Variants in SPTBN1 observed in about 807,000 individuals in gnomAD.
SPTBN1 encodes spectrin beta chain, non-erythrocytic 1.
A neutral mutation model predicts 266.4 loss-of-function variants in SPTBN1; 32 were observed. The observed-to-expected ratio is 0.12, with a 90% confidence interval of 0.09 to 0.16. The LOEUF is 0.16. SPTBN1 is among the 10% of genes least tolerant of loss of function. SPTBN1 has a pLI of 1.00. For synonymous variants in SPTBN1, 1,336 were observed against 1,162.2 expected, an observed-to-expected ratio of 1.15 and a Z score of -3.04; for missense variants, 2,296 against 3,067.1, an observed-to-expected ratio of 0.75 and a Z score of 5.94.
In SPTBN1 at chr2:54,558,099, T is replaced by G. The variant is rs999423865; in HGVS notation, c.148+31533T>G. The G allele has an allele frequency of 6.1e-6, 6 of 985,278 alleles. No homozygotes were observed. The African/African-American group carries it at 7.0e-5, about 11-fold the overall frequency. 61.0% of individuals were successfully genotyped at this position (985,278 alleles called of 1,614,324 possible). ...AGTAATCGGAGACTTTTCCGTTACA[T>G]GAGGCTCAACAAAAGATTGTAATTC... On this transcript the variant is annotated intron_variant, in intron 2 of 35. Transcript: ENST00000356805. The surrounding 1 kb of genome is among the most constrained non-coding windows in gnomAD (Gnocchi z 4.6).
intron 2 of SPTBN1, among the ~76,000 whole-genome samples, chr2:54,548,457 G>A (rs939382862): frequency 1.3e-5 from 2 of 152,188 alleles, no homozygotes; most frequent in African/African-American, 2.4e-5. Context: ...ACTCAGGACA[G>A]GCCTTTTGGC....
At chr2:54,611,562 G>A (rs77059805) in intron 3 of SPTBN1, among the ~76,000 whole-genome samples, 5,911 of 152,140 alleles carry the variant, frequency 0.039, 148 homozygotes, top group Admixed American at 0.087. Context: ...TGGGTAGAGG[G>A]AAGAAACATT....
intron 2 of SPTBN1, chr2:54,528,494 G>A (rs1166004369): frequency 1.3e-5 from 2 of 152,438 alleles, no homozygotes; most frequent in Non-Finnish European, 2.9e-5. Context: ...CTTATACTGT[G>A]TGCCAGGCAC....
At chr2:54,587,447 C>G (rs1675366950) in intron 2 of SPTBN1, among the ~76,000 whole-genome samples, 1 of 152,136 alleles carries the variant, frequency 6.6e-6, no homozygotes, top group African/African-American at 2.4e-5. Context: ...AACGTTCTGC[C>G]ATTCTGTGTT....
chr2:54,661,309 A>G, intron 32 of SPTBN1: 1 of 985,910 alleles, frequency 1.0e-6, no homozygotes, highest in Non-Finnish European at 1.2e-6. Flanking sequence ...CATATTATAC[A>G]TCAAAACCTT....
At position 54,525,318 on chromosome 2, in the gene SPTBN1, C is replaced by T. The variant is rs147274438; in HGVS notation, c.-47-1054C>T. 2.8e-3 allele frequency among the ~76,000 whole-genome samples: 432 copies of T among 152,160 alleles called. 3 individuals are homozygous for T. Among genetic ancestry groups the T allele is most frequent in the African/African-American group, 1.0e-2 (415 of 41,512 alleles). The stretch of plus-strand genomic sequence containing the variant: ...AGAGTGCAATGGTATGATGTCGGCT[C>T]AACCAAAACCTCCGGCTCCTCGGTT... On this transcript the variant is annotated intron_variant, in intron 1 of 35. Coordinates refer to ENST00000356805, the MANE Select transcript of SPTBN1 (RefSeq NM_003128.3).
rs1681591312 is a variant in SPTBN1 at position 54,669,315 on chromosome 2, G to GT, written c.*747dup. 6.6e-6 allele frequency: 1 copy of GT among 151,674 alleles called. No individual in the cohort carries two copies. The highest frequency in any genetic ancestry group is 1.5e-5 in the Non-Finnish European group (1 of 67,958). 9.4% of individuals were successfully genotyped at this position (151,674 alleles called of 1,614,324 possible). A position where few individuals can be genotyped will look rare whatever the true frequency, so the allele number is the denominator to read the frequency against. ...AGTACAAAGTATAATAAAACTAGAT[G>GT]TATAATAAACCCTTTAAATCATTGG... On this transcript the variant is annotated 3_prime_UTR_variant, in exon 36 of 36. Coordinates refer to ENST00000356805, the MANE Select transcript of SPTBN1 (RefSeq NM_003128.3).
rs200931014 is a variant in SPTBN1 at position 54,665,911 on chromosome 2, A to G, written c.6660-4A>G. On this transcript the variant is annotated splice_polypyrimidine_tract_variant and splice_region_variant and intron_variant, in intron 33 of 35. Coordinates refer to ENST00000356805, the MANE Select transcript of SPTBN1 (RefSeq NM_003128.3). ...CCCCCTGCCCTTTTTTTTAAACTGC[A>G]CAGGTCCTGGCACAATGTTTATTGT... 3 of 1,609,556 alleles carry G rather than the reference A, an allele frequency of 1.9e-6. No homozygotes were observed. In the African/African-American group the frequency reaches 4.0e-5, roughly 22 times the overall value.
At chr2:54,506,472 CTTATAG>C (rs1181734408) in intron 1 of SPTBN1, among the ~76,000 whole-genome samples, 1 of 150,166 alleles carries the variant, frequency 6.7e-6, no homozygotes, top group Non-Finnish European at 1.5e-5. Context: ...TTTTTTTCTA[CTTATAG>C]TTTACATTTG....
Position 54,659,920 on chromosome 2 carries a change from C to A in SPTBN1, c.6357-16C>A. 2.5e-6 allele frequency: 4 copies of A among 1,611,128 alleles called. No homozygotes were observed. Among genetic ancestry groups the A allele is most frequent in the Non-Finnish European group, 3.4e-6 (4 of 1,177,982 alleles). ...TTCTTCCTTTCCCTTCCTCCTTTTC[C>A]CCTCTTCCCTAACAGGGATACTTCA... is the stretch of plus-strand genomic sequence containing the variant. On this transcript the variant is annotated splice_polypyrimidine_tract_variant and intron_variant, in intron 31 of 35. Transcript: ENST00000356805.
At chr2:54,595,568 G>C (rs945103901) in intron 2 of SPTBN1, among the ~76,000 whole-genome samples, 1 of 152,272 alleles carries the variant, frequency 6.6e-6, no homozygotes. Context: ...GCTCCATGCT[G>C]CTGGTGCTGC....
intron 3 of SPTBN1, among the ~76,000 whole-genome samples, chr2:54,609,183 C>T (rs1677054992): frequency 6.6e-6 from 1 of 152,184 alleles, no homozygotes; most frequent in Non-Finnish European, 1.5e-5. Flanking sequence ...TTTTCTGGTA[C>T]TGCTTTTACA....
At position 54,558,970 on chromosome 2, in the gene SPTBN1, G is replaced by A. The variant is rs1558838383; in HGVS notation, c.148+32404G>A. The A allele has an allele frequency of 3.3e-6, 5 of 1,501,654 alleles. No homozygotes were observed. Among genetic ancestry groups the A allele is most frequent in the Non-Finnish European group, 4.5e-6 (5 of 1,111,888 alleles). 93.0% of individuals were successfully genotyped at this position (1,501,654 alleles called of 1,614,324 possible). A position where few individuals can be genotyped will look rare whatever the true frequency, so the allele number is the denominator to read the frequency against. On this transcript the variant is annotated intron_variant, in intron 2 of 35. Coordinates refer to ENST00000356805, the MANE Select transcript of SPTBN1 (RefSeq NM_003128.3). This position sits in a 1 kb window ranked among gnomAD's most constrained non-coding sequence, Gnocchi z 4.6. ...CTTTATTTGTGACCCTAATGAAGAC[G>A]GGCGGCTTCACAGCTCGGCCCCAGA...
rs757131125 is a variant in SPTBN1, at chr2:54,558,847, C to G, written c.148+32281C>G. On this transcript the variant is annotated intron_variant, in intron 2 of 35. Transcript: ENST00000356805. This position sits in a 1 kb window ranked among gnomAD's most constrained non-coding sequence, Gnocchi z 4.6. Reference sequence around the variant, plus strand: ...CGGCGTACACGGGGCAGGTGCCTTACAACTACAACCAGCTGGAAGGCAGAT... The same window carrying G: ...CGGCGTACACGGGGCAGGTGCCTTAGAACTACAACCAGCTGGAAGGCAGAT... 2 of 1,613,980 alleles carry G rather than the reference C, an allele frequency of 1.2e-6. No individual in the cohort carries two copies. The highest frequency in any genetic ancestry group is 8.5e-7 in the Non-Finnish European group (1 of 1,179,908).
At chr2:54,567,301 C>T (rs1359548438) in intron 2 of SPTBN1, among the ~76,000 whole-genome samples, 6 of 152,172 alleles carry the variant, frequency 3.9e-5, no homozygotes, top group East Asian at 3.9e-4. Context: ...GGAGTTTGGA[C>T]GTAAGGCAGT....
intron 1 of SPTBN1, among the ~76,000 whole-genome samples, chr2:54,490,232 C>T (rs1194098374): frequency 6.6e-6 from 1 of 152,010 alleles, no homozygotes; most frequent in African/African-American, 2.4e-5. Context: ...CCACCATGCC[C>T]TGCTAACTTT....
chr2:54,655,839 T>C (rs920004812), intron 28 of SPTBN1, 75 bp from the exon 29 acceptor site: 17 of 1,104,056 alleles, frequency 1.5e-5, no homozygotes, highest in Non-Finnish European at 2.2e-5. Context: ...TGTATTTTTC[T>C]AGTATAAAAT....
Position 54,629,778 on chromosome 2 carries a change from G to A in SPTBN1, c.2644G>A (p.Glu882Lys). The change falls in exon 14 of 36, where the codon GAG becomes AAG. Residue 882 changes from glutamate to lysine, a missense_variant. This residue lies in a region of SPTBN1 where 434 missense variants were observed against 573.9 expected (regional missense o/e 0.76). Transcript: ENST00000356805. Reference sequence around the variant, plus strand: ...CAACATGCAGATCCCAGAGAAGCTGGAGGATCTGGAGGTCATCCAGCACAG... The same window carrying A: ...CAACATGCAGATCCCAGAGAAGCTGAAGGATCTGGAGGTCATCCAGCACAG... ...LNNMQIPEKL[E>K]DLEVIQHRFE... 6.2e-7 allele frequency: 1 copy of A among 1,609,940 alleles called. No individual in the cohort carries two copies. Among genetic ancestry groups the A allele is most frequent in the Non-Finnish European group, 8.5e-7 (1 of 1,179,222 alleles).
Position 54,658,062 on chromosome 2 carries a change from GC to G in SPTBN1, c.6243+19del. ...GCTGACTACAGTAAGTGGCCGCTGG[GC>G]CCTTTGTCTGTTGGTGCCCTGGGCA... On this transcript the variant is annotated intron_variant, in intron 30 of 35. Transcript: ENST00000356805. The G allele has an allele frequency of 6.2e-7, 1 of 1,614,036 alleles. No homozygotes were observed. Among genetic ancestry groups the G allele is most frequent in the Non-Finnish European group, 8.5e-7 (1 of 1,179,926 alleles).
Sources: allele counts gnomAD v4.1 joint callset (sites outside exome capture counted in the v4.1 genomes callset), GRCh38; gene constraint gnomAD v4.1.1; regional missense constraint gnomAD v4.1.1; non-coding constraint Gnocchi (gnomAD v3.1); transcripts MANE v1.5; gene names NCBI Gene and HGNC (gene_info 2026-07-23, HGNC 2026-07-21).